ADARB2: variants seen among roughly 807,000 people sequenced by gnomAD.
The protein encoded by ADARB2 is adenosine deaminase RNA specific B2 (inactive).
A neutral mutation model predicts 62.2 loss-of-function variants in ADARB2; 25 were observed. The ratio of observed to expected loss-of-function variants is 0.40; its 90% confidence interval spans 0.29 to 0.56. ADARB2 has a LOEUF of 0.56. ADARB2 is among the 20% of genes least tolerant of loss of function. The pLI is 0.43. For missense variants in ADARB2, 1,071 were observed against 1,077.4 expected, an observed-to-expected ratio of 0.99 and a Z score of 0.08; for synonymous variants, 572 against 500.8, an observed-to-expected ratio of 1.14 and a Z score of -1.90.
intron 6 of ADARB2, among the ~76,000 whole-genome samples, chr10:1,223,245 G>A (rs1190133131): frequency 6.6e-6 from 1 of 152,142 alleles, no homozygotes; most frequent in Non-Finnish European, 1.5e-5. Context: ...AAGAATGCTT[G>A]TGATTTTTGT....
intron 1 of ADARB2, among the ~76,000 whole-genome samples, chr10:1,622,002 A>G (rs1833709549): frequency 6.6e-6 from 1 of 152,222 alleles, no homozygotes; most frequent in African/African-American, 2.4e-5. Flanking sequence ...AGGTAAGGTA[A>G]TCTAGATAAA....
rs542095055 is a variant in ADARB2, at chr10:1,591,600, A to C, written c.100+145451T>G. Among the ~76,000 whole-genome samples the C allele has an allele frequency of 2.6e-4, 39 of 152,086 alleles. 1 individual carries two copies. In the South Asian group the frequency reaches 3.3e-3, roughly 13 times the overall value. ...CTCTCTGGGTGCCACTTCCCTCCAC[A>C]TTAAATGGATCTCTAGTTTCCCTGT... On this transcript the variant is annotated intron_variant, in intron 1 of 9. Transcript: ENST00000381312.
intron 1 of ADARB2, among the ~76,000 whole-genome samples, chr10:1,450,459 C>T (rs1031196445): frequency 1.3e-5 from 2 of 152,210 alleles, no homozygotes; most frequent in Non-Finnish European, 2.9e-5. Flanking sequence ...CAGCACCGGA[C>T]TCTGATGTCG....
Position 1,363,884 on chromosome 10 carries a change from T to C in ADARB2, c.221A>G (p.Asn74Ser). The C allele has an allele frequency of 2.7e-6, 4 of 1,489,492 alleles. No homozygotes were observed. The highest frequency in any genetic ancestry group is 3.5e-6 in the Non-Finnish European group (4 of 1,130,280). 92.3% of individuals were successfully genotyped at this position (1,489,492 alleles called of 1,614,324 possible). Reference sequence around the variant, plus strand: ...TGGCCGCGCGGCCAGGTTGCCCACGTTGCGGTTCTCCTTCACCTCCGCGCT... The same window carrying C: ...TGGCCGCGCGGCCAGGTTGCCCACGCTGCGGTTCTCCTTCACCTCCGCGCT... Reference protein sequence around the residue: ...TSSAEVKENRNVGNLAARPPP... With the variant: ...TSSAEVKENRSVGNLAARPPP... The change falls in exon 3 of 10, where the codon AAC (asparagine) becomes AGC (serine). Residue 74 changes from asparagine (N) to serine (S), a missense_variant. Asn to Ser is a conservative substitution (Grantham distance 46). Coordinates refer to ENST00000381312, the MANE Select transcript of ADARB2 (RefSeq NM_018702.4).
chr10:1,338,093 A>C (rs1383557839), intron 3 of ADARB2, among the ~76,000 whole-genome samples: 2 of 152,254 alleles, frequency 1.3e-5, no homozygotes, highest in Non-Finnish European at 2.9e-5. Context: ...AGAAACATTC[A>C]CTGAAGCTAG....
chr10:1,425,982 G>A (rs1266501647), intron 1 of ADARB2, among the ~76,000 whole-genome samples: 3 of 152,130 alleles, frequency 2.0e-5, no homozygotes, highest in African/African-American at 7.2e-5. Flanking sequence ...ATCTCACAGA[G>A]GCATGTTACT....
chr10:1,655,217 C>T (rs1255047221), intron 1 of ADARB2, among the ~76,000 whole-genome samples: 1 of 152,210 alleles, frequency 6.6e-6, no homozygotes, highest in Non-Finnish European at 1.5e-5. Flanking sequence ...TATGACAGTT[C>T]ATTGTCCTGG....
In ADARB2 at chr10:1,431,924, T is replaced by A. The variant is rs568698180; in HGVS notation, c.101-52764A>T. ...GGAATAGCTAACCTGAATAGTCTTATAACCATTAAGTGAACTCATAATTTA... is the reference window on the plus strand; with the variant it reads ...GGAATAGCTAACCTGAATAGTCTTAAAACCATTAAGTGAACTCATAATTTA... On this transcript the variant is annotated intron_variant, in intron 1 of 9. Transcript: ENST00000381312. Among the ~76,000 whole-genome samples the A allele has an allele frequency of 4.6e-5, 7 of 152,334 alleles. No individual in the cohort carries two copies. The South Asian group carries it at 1.2e-3, about 27-fold the overall frequency.
intron 3 of ADARB2, among the ~76,000 whole-genome samples, chr10:1,299,135 T>A (rs1831550844): frequency 6.6e-6 from 1 of 151,758 alleles, no homozygotes; most frequent in East Asian, 1.9e-4. Context: ...AAATGTCTTG[T>A]GTGTTAAGAA....
intron 1 of ADARB2, among the ~76,000 whole-genome samples, chr10:1,418,513 A>G (rs868586175): frequency 1.3e-5 from 2 of 152,206 alleles, no homozygotes; most frequent in South Asian, 4.1e-4. Context: ...TCACTTAACT[A>G]ATTTCCTTCC....
At position 1,737,289 on chromosome 10, in the gene ADARB2, G is replaced by C. The variant is rs555512180; in HGVS notation, c.-139C>G. On this transcript the variant is annotated 5_prime_UTR_variant, in exon 1 of 10. Coordinates refer to ENST00000381312, the MANE Select transcript of ADARB2 (RefSeq NM_018702.4). ...GCGGCTCACTTTTCAGGACTGAGCAGGAAAGCGCGCTCCGTCTCTCTGTCT... is the reference window on the plus strand; with the variant it reads ...GCGGCTCACTTTTCAGGACTGAGCACGAAAGCGCGCTCCGTCTCTCTGTCT... 51 of 757,390 alleles carry C rather than the reference G, an allele frequency of 6.7e-5. No individual in the cohort carries two copies. The African/African-American group carries it at 7.5e-4, about 11-fold the overall frequency. 46.9% of individuals were successfully genotyped at this position (757,390 alleles called of 1,614,324 possible). A position where few individuals can be genotyped will look rare whatever the true frequency, so the allele number is the denominator to read the frequency against.
chr10:1,186,266 T>A (rs1836757187), intron 8 of ADARB2, among the ~76,000 whole-genome samples: 1 of 152,128 alleles, frequency 6.6e-6, no homozygotes, highest in Non-Finnish European at 1.5e-5. Flanking sequence ...GGACCCAGCA[T>A]GGTGGACGTG....
chr10:1,256,223 T>G (rs772515896), intron 4 of ADARB2, among the ~76,000 whole-genome samples: 17 of 152,342 alleles, frequency 1.1e-4, no homozygotes, highest in Non-Finnish European at 1.9e-4. Flanking sequence ...GGCTCTGCTG[T>G]GGAGACTGAG....
At chr10:1,231,823 G>A (rs568485195) in intron 6 of ADARB2, among the ~76,000 whole-genome samples, 3 of 152,254 alleles carry the variant, frequency 2.0e-5, no homozygotes, top group East Asian at 1.9e-4. Context: ...AGGGAAGTCC[G>A]CAAAAAGGAG....
At chr10:1,375,887 ACAC>A (rs1832421515) in intron 2 of ADARB2, among the ~76,000 whole-genome samples, 1 of 149,182 alleles carries the variant, frequency 6.7e-6, no homozygotes, top group Non-Finnish European at 1.5e-5. Flanking sequence ...GTGAACTCCC[ACAC>A]CACACACGTG....
intron 1 of ADARB2, among the ~76,000 whole-genome samples, chr10:1,396,960 A>T (rs146158361): frequency 4.2e-5 from 3 of 70,954 alleles, no homozygotes; most frequent in Non-Finnish European, 1.1e-4. Flanking sequence ...TCCCGAGTGG[A>T]GGCTTCCTGG....
At chr10:1,520,158 C>T (rs1277771821) in intron 1 of ADARB2, among the ~76,000 whole-genome samples, 5 of 152,156 alleles carry the variant, frequency 3.3e-5, no homozygotes, top group South Asian at 2.1e-4. Flanking sequence ...GGAGCATATG[C>T]GGTTTTAACT....
intron 1 of ADARB2, among the ~76,000 whole-genome samples, chr10:1,528,237 G>A (rs927484856): frequency 1.3e-5 from 2 of 152,204 alleles, no homozygotes; most frequent in Non-Finnish European, 2.9e-5. Context: ...TCCTGTGAGT[G>A]CCCGTGTTCA....
chr10:1,552,584 G>C (rs574002887), intron 1 of ADARB2, among the ~76,000 whole-genome samples: 28 of 152,244 alleles, frequency 1.8e-4, no homozygotes, highest in African/African-American at 6.3e-4. Flanking sequence ...CAGGAGGAGG[G>C]AGGGAAGGGG....
Sources: gnomAD v4.1 joint callset for allele counts (sites outside exome capture counted in the v4.1 genomes callset) on GRCh38, gnomAD v4.1.1 for gene constraint, MANE v1.5 for transcripts, NCBI Gene and HGNC (gene_info 2026-07-23, HGNC 2026-07-21) for gene names.